Variants in CCDC6 observed in about 807,000 individuals in gnomAD.
The protein encoded by CCDC6 is coiled-coil domain containing 6, also known as coiled-coil domain-containing protein 6.
CCDC6 carries 20 observed loss-of-function variants against 56.6 expected under a neutral mutation model. The observed-to-expected ratio is 0.35, with a 90% CI of 0.25 to 0.51. The LOEUF (loss-of-function observed/expected upper bound fraction) is 0.51, where lower values mean the gene tolerates loss of function less well. Ranked by LOEUF, CCDC6 falls within the 20% of genes least tolerant of loss-of-function variation. The pLI, the probability that CCDC6 is intolerant of heterozygous loss-of-function variation, is 0.95. For synonymous variants in CCDC6, 241 were observed against 234.4 expected, an observed-to-expected ratio of 1.03 and a Z score of -0.26; for missense variants, 367 against 601.1, an observed-to-expected ratio of 0.61 and a Z score of 4.07.
chr10:59,889,544 T>C lies in CCDC6; in HGVS notation c.303+16578A>G, dbSNP rs192617529. Among the ~76,000 whole-genome samples the C allele has an allele frequency of 4.3e-4, 65 of 152,304 alleles. No homozygotes were observed. The East Asian group carries it at 0.012, about 27-fold the overall frequency. On this transcript the variant is annotated intron_variant, in intron 1 of 8. Coordinates refer to ENST00000263102, the MANE Select transcript of CCDC6 (RefSeq NM_005436.5). The stretch of plus-strand genomic sequence containing the variant: ...CCAAACACAGTCAGTTCCATATTCA[T>C]TCATTTCTTCCTGGGCCAGCCCTGG...
At chr10:59,906,030 G>T in intron 1 of CCDC6, 92 bp downstream of exon 1, 1 of 1,121,108 alleles carries the variant, frequency 8.9e-7, no homozygotes, top group Non-Finnish European at 1.3e-6. Context: ...CCGGGAATCT[G>T]GGGAAGACTT....
chr10:59,902,624 C>T (rs2071512329), intron 1 of CCDC6, among the ~76,000 whole-genome samples: 1 of 152,132 alleles, frequency 6.6e-6, no homozygotes, highest in South Asian at 2.1e-4. Context: ...GTCTCGAACT[C>T]TTGACCTGAG....
At chr10:59,880,550 A>G (rs554502271) in intron 1 of CCDC6, among the ~76,000 whole-genome samples, 38 of 152,346 alleles carry the variant, frequency 2.5e-4, no homozygotes, top group African/African-American at 8.9e-4. Context: ...GGTATTAGTA[A>G]TATTCTGTTT....
At chr10:59,812,014 G>T (rs2070676268) in intron 5 of CCDC6, among the ~76,000 whole-genome samples, 1 of 145,128 alleles carries the variant, frequency 6.9e-6, no homozygotes, top group South Asian at 2.2e-4. Flanking sequence ...TTTTTTCACT[G>T]CATACCTTTC....
chr10:59,868,813 C>T (rs1186211536), intron 1 of CCDC6, among the ~76,000 whole-genome samples: 1 of 152,194 alleles, frequency 6.6e-6, no homozygotes, highest in South Asian at 2.1e-4. Context: ...ACACTTCACA[C>T]GTGTGGTTAC....
At chr10:59,854,765 G>A (rs2071067418) in intron 1 of CCDC6, among the ~76,000 whole-genome samples, 1 of 152,178 alleles carries the variant, frequency 6.6e-6, no homozygotes, top group Non-Finnish European at 1.5e-5. Flanking sequence ...ATTTATTTAA[G>A]ACATATTTGA....
Position 59,855,019 on chromosome 10 carries a change from A to G in CCDC6, c.304-2317T>C, listed in dbSNP as rs115783419. ...CATTAACACACATTTAGTATTTTAG[A>G]TAACTGGTAAATTTTATTATAAGCA... On this transcript the variant is annotated intron_variant, in intron 1 of 8. Coordinates refer to ENST00000263102, the MANE Select transcript of CCDC6 (RefSeq NM_005436.5). Among the ~76,000 whole-genome samples the G allele has an allele frequency of 7.0e-3, 1,072 of 152,336 alleles. 7 individuals carry two copies. The highest frequency in any genetic ancestry group is 0.024 in the African/African-American group (1,010 of 41,564).
chr10:59,900,383 G>C (rs921131548), intron 1 of CCDC6, among the ~76,000 whole-genome samples: 1 of 152,148 alleles, frequency 6.6e-6, no homozygotes, highest in Admixed American at 6.5e-5. Flanking sequence ...GAATACAGAA[G>C]AACATTTAAG....
At chr10:59,817,931 G>C (rs1484965716) in intron 3 of CCDC6, among the ~76,000 whole-genome samples, 1 of 152,142 alleles carries the variant, frequency 6.6e-6, no homozygotes, top group Admixed American at 6.5e-5. Flanking sequence ...GCCAGAAGCA[G>C]CATGGCAAAT....
intron 2 of CCDC6, among the ~76,000 whole-genome samples, chr10:59,843,620 T>G (rs1467153380): frequency 2.6e-5 from 4 of 152,222 alleles, no homozygotes; most frequent in African/African-American, 9.6e-5. Context: ...CATATCTTCA[T>G]GTGCATGGAT....
At chr10:59,868,548 C>T (rs919796831) in intron 1 of CCDC6, among the ~76,000 whole-genome samples, 1 of 152,178 alleles carries the variant, frequency 6.6e-6, no homozygotes, top group African/African-American at 2.4e-5. Context: ...GGCTCCAGGT[C>T]TCTTATTTGG....
rs557163833 is a variant in CCDC6, at chr10:59,872,782, G to A, written c.304-20080C>T. On this transcript the variant is annotated intron_variant, in intron 1 of 8. Transcript: ENST00000263102. ...TCAAAGAGGATAACTTTCCAGATGG[G>A]GGGGTGGGGGAAGGTAACAACATTA... 1.5e-3 allele frequency among the ~76,000 whole-genome samples: 167 copies of A among 111,758 alleles called. 1 individual carries two copies. Among genetic ancestry groups the A allele is most frequent in the African/African-American group, 4.3e-3 (152 of 35,618 alleles). 73.3% of individuals were successfully genotyped at this position (111,758 alleles called of 152,430 possible).
In CCDC6 at chr10:59,905,682, C is replaced by T. The variant is rs190800754; in HGVS notation, c.303+440G>A. Among the ~76,000 whole-genome samples, 64 of 152,288 alleles carry T rather than the reference C, an allele frequency of 4.2e-4. No individual in the cohort carries two copies. In the South Asian group the frequency reaches 8.3e-3, roughly 20 times the overall value. On this transcript the variant is annotated intron_variant, in intron 1 of 8. Transcript: ENST00000263102. Reference sequence around the variant, plus strand: ...AGTGCCCAGTCCAGCTGCGAACCCCCACACTCCGAGCCAGGACCCAGTAAG... The same window carrying T: ...AGTGCCCAGTCCAGCTGCGAACCCCTACACTCCGAGCCAGGACCCAGTAAG...
chr10:59,816,442 G>C (rs992405858), intron 3 of CCDC6, among the ~76,000 whole-genome samples: 2 of 152,090 alleles, frequency 1.3e-5, no homozygotes, highest in East Asian at 1.9e-4. Context: ...CAATGCATTG[G>C]GGGGAGACTC....
chr10:59,828,489 C>T (rs2070807594), intron 3 of CCDC6, among the ~76,000 whole-genome samples: 1 of 152,188 alleles, frequency 6.6e-6, no homozygotes, highest in Admixed American at 6.5e-5. Context: ...GCTGTTTGAA[C>T]AGGAAAGCAG....
At chr10:59,844,426 T>TG (rs368309059) in intron 2 of CCDC6, among the ~76,000 whole-genome samples, 3,565 of 139,274 alleles carry the variant, frequency 0.026, 161 homozygotes, top group African/African-American at 0.09. Context: ...GGAGGAATAT[T>TG]AAAAAAAAAA....
In CCDC6 at chr10:59,794,227, A is replaced by C. The variant is rs190710779; in HGVS notation, c.1230+246T>G. 7.2e-5 allele frequency among the ~76,000 whole-genome samples: 11 copies of C among 152,352 alleles called. No homozygotes were observed. The East Asian group carries it at 2.1e-3, about 29-fold the overall frequency. ...CAATCAAAGCACTGGCCAGAGTTCA[A>C]ATTATATTTCACAAAGGGTAATTTT... On this transcript the variant is annotated intron_variant, in intron 8 of 8. Transcript: ENST00000263102.
intron 1 of CCDC6, among the ~76,000 whole-genome samples, chr10:59,877,371 TAGAA>T (rs1197631511): frequency 6.6e-6 from 1 of 152,252 alleles, no homozygotes; most frequent in Admixed American, 6.5e-5. Flanking sequence ...ATGCAGGAAA[TAGAA>T]AGAAAATAAA....
intron 3 of CCDC6, among the ~76,000 whole-genome samples, chr10:59,818,506 G>A (rs2070726684): frequency 7.6e-6 from 1 of 130,898 alleles, no homozygotes. Flanking sequence ...GGGGGGGGGG[G>A]AAGCAGATTC....
Sources: allele counts gnomAD v4.1 joint callset (sites outside exome capture counted in the v4.1 genomes callset), GRCh38; gene constraint gnomAD v4.1.1; transcripts MANE v1.5; gene names NCBI Gene and HGNC (gene_info 2026-07-23, HGNC 2026-07-21).